The following FAM168B variants were observed in gnomAD, a reference collection of about 807,000 sequenced individuals.
FAM168B encodes the protein myelin-associated neurite-outgrowth inhibitor.
In FAM168B, 19 loss-of-function variants were observed where a neutral mutation model predicts 21.8. The observed-to-expected ratio is 0.87, with a 90% CI of 0.61 to 1.28. The LOEUF (loss-of-function observed/expected upper bound fraction) is 1.28, where lower values mean the gene tolerates loss of function less well. Ranked by LOEUF, FAM168B falls within the 50% of genes most tolerant of loss-of-function variation. FAM168B has a pLI of 0.00. For synonymous variants in FAM168B, 126 were observed against 104.8 expected (o/e 1.20, Z -1.24); for missense variants, 233 against 263.1 (o/e 0.89, Z 0.79).
rs1332367341 is a variant in FAM168B, at chr2:131,048,452, T to TC, written c.*4012dup. On this transcript the variant is annotated 3_prime_UTR_variant, in exon 7 of 7. Coordinates refer to ENST00000389915, the MANE Select transcript of FAM168B (RefSeq NM_001009993.4). ...ACGCCGCTCATCCTCTGTCTCCCCT[T>TC]CCCAAGTGACTTCACTTCAGTCCTG... 3 of 1,191,252 alleles carry TC rather than the reference T, an allele frequency of 2.5e-6. No individual in the cohort carries two copies. Among genetic ancestry groups the TC allele is most frequent in the Non-Finnish European group, 3.2e-6 (3 of 929,092 alleles). 73.8% of individuals were successfully genotyped at this position (1,191,252 alleles called of 1,614,324 possible).
intron 2 of FAM168B, among the ~76,000 whole-genome samples, chr2:131,075,168 C>T (rs1355097033): frequency 1.3e-5 from 2 of 151,952 alleles, no homozygotes; most frequent in African/African-American, 2.4e-5. Flanking sequence ...TGCTGAGAGA[C>T]TCCTCAGAAG....
At chr2:131,057,204 GAA>G (rs1692071210) in intron 3 of FAM168B, among the ~76,000 whole-genome samples, 1 of 152,120 alleles carries the variant, frequency 6.6e-6, no homozygotes, top group African/African-American at 2.4e-5. Context: ...CTAGAAAAAT[GAA>G]AACACAGGTC....
Position 131,066,017 on chromosome 2 carries a change from G to A in FAM168B, c.154+5838C>T, listed in dbSNP as rs143526700. On this transcript the variant is annotated intron_variant, in intron 3 of 6. Transcript: ENST00000389915. ...TAGAATACATTCCTAGAAGTGGGTCGAAAGGGTTCATTTTTAAGCTTCTAA... is the reference window on the plus strand; with the variant it reads ...TAGAATACATTCCTAGAAGTGGGTCAAAAGGGTTCATTTTTAAGCTTCTAA... 4.6e-5 allele frequency among the ~76,000 whole-genome samples: 7 copies of A among 152,090 alleles called. No homozygotes were observed. The East Asian group carries it at 9.7e-4, about 21-fold the overall frequency.
Position 131,050,202 on chromosome 2 carries a change from T to G in FAM168B, c.*2263A>C. On this transcript the variant is annotated 3_prime_UTR_variant, in exon 7 of 7. Coordinates refer to ENST00000389915, the MANE Select transcript of FAM168B (RefSeq NM_001009993.4). ...TACCAAGCAAGCCTGAAGAGATGCC[T>G]GTAACTTCTAACCTCCTCCTGAACC... 1 of 985,500 alleles carries G rather than the reference T, an allele frequency of 1.0e-6. No homozygotes were observed. The highest frequency in any genetic ancestry group is 1.7e-5 in the African/African-American group (1 of 57,374). 61.0% of individuals were successfully genotyped at this position (985,500 alleles called of 1,614,324 possible).
intron 5 of FAM168B, among the ~76,000 whole-genome samples, chr2:131,053,559 AAC>A (rs1691824753): frequency 6.6e-6 from 1 of 152,192 alleles, no homozygotes. Flanking sequence ...GAATATACTT[AAC>A]ACTACTGAAC....
At chr2:131,091,240 G>A (rs1694004759) in intron 1 of FAM168B, among the ~76,000 whole-genome samples, 1 of 152,164 alleles carries the variant, frequency 6.6e-6, no homozygotes, top group African/African-American at 2.4e-5. Flanking sequence ...TCCGGAGGCT[G>A]AGGCAGGAGA....
rs1473884168 is a variant in FAM168B at position 131,049,617 on chromosome 2, A to G, written c.*2848T>C. On this transcript the variant is annotated 3_prime_UTR_variant, in exon 7 of 7. Coordinates refer to ENST00000389915, the MANE Select transcript of FAM168B (RefSeq NM_001009993.4). ...CTGCAGCGGCTGAACACACTCCCCA[A>G]GCCTCAGGGGAGAAGGTGTAGAACA... is the stretch of plus-strand genomic sequence containing the variant. The G allele has an allele frequency of 3.0e-5, 30 of 985,396 alleles. No individual in the cohort carries two copies. The East Asian group carries it at 2.2e-3, about 71-fold the overall frequency. 61.0% of individuals were successfully genotyped at this position (985,396 alleles called of 1,614,324 possible). A position where few individuals can be genotyped will look rare whatever the true frequency, so the allele number is the denominator to read the frequency against.
At chr2:131,066,495 A>G (rs1055156280) in intron 3 of FAM168B, among the ~76,000 whole-genome samples, 73 of 152,342 alleles carry the variant, frequency 4.8e-4, no homozygotes, top group Non-Finnish European at 9.1e-4. Context: ...CCTTTTAAAA[A>G]TAAGTGCTAA....
chr2:131,060,814 T>C (rs999010301), intron 3 of FAM168B, among the ~76,000 whole-genome samples: 2 of 152,046 alleles, frequency 1.3e-5, no homozygotes, highest in African/African-American at 4.8e-5. Context: ...GTGGGTACTA[T>C]GGACATCCAC....
At chr2:131,061,380 T>C (rs898514701) in intron 3 of FAM168B, among the ~76,000 whole-genome samples, 4 of 151,242 alleles carry the variant, frequency 2.6e-5, no homozygotes, top group Non-Finnish European at 5.9e-5. Flanking sequence ...GCGTGTACGC[T>C]AGCCAGAAAA....
chr2:131,091,027 G>T (rs960328953), intron 1 of FAM168B, among the ~76,000 whole-genome samples: 12 of 152,130 alleles, frequency 7.9e-5, no homozygotes, highest in African/African-American at 2.7e-4. Flanking sequence ...ACCACACCTG[G>T]ACAAAAATAT....
chr2:131,062,406 T>C (rs575794875), intron 3 of FAM168B, among the ~76,000 whole-genome samples: 253 of 152,322 alleles, frequency 1.7e-3, no homozygotes, highest in African/African-American at 5.8e-3. Context: ...CAGAAATCCC[T>C]GCAGCTAGCC....
chr2:131,048,721 G>C lies in FAM168B; in HGVS notation c.*3744C>G. 1.8e-5 allele frequency: 18 copies of C among 987,678 alleles called. No individual in the cohort carries two copies. Among genetic ancestry groups the C allele is most frequent in the Non-Finnish European group, 2.2e-5 (18 of 831,194 alleles). The allele number at this position is 987,678 out of a possible 1,614,324, so 61.2% of individuals were successfully genotyped here. ...AGAGGGAACACTCACAAATGCAGAG[G>C]TACTAGAGGGGAGAAATACGTGCTC... is the stretch of plus-strand genomic sequence containing the variant. On this transcript the variant is annotated 3_prime_UTR_variant, in exon 7 of 7. Coordinates refer to ENST00000389915, the MANE Select transcript of FAM168B (RefSeq NM_001009993.4).
At chr2:131,080,545 G>A (rs966574547) in intron 2 of FAM168B, among the ~76,000 whole-genome samples, 2 of 151,452 alleles carry the variant, frequency 1.3e-5, no homozygotes, top group African/African-American at 4.8e-5. Context: ...TTGAACCCGG[G>A]AGATGGAGGT....
chr2:131,085,215 C>T (rs780235579), intron 1 of FAM168B, among the ~76,000 whole-genome samples: 3 of 152,246 alleles, frequency 2.0e-5, no homozygotes, highest in Non-Finnish European at 4.4e-5. Context: ...GTATTCCCAG[C>T]ACTGTGGGAG....
chr2:131,074,256 G>C (rs1693025320), intron 2 of FAM168B, among the ~76,000 whole-genome samples: 1 of 152,126 alleles, frequency 6.6e-6, no homozygotes, highest in African/African-American at 2.4e-5. Context: ...ATCCTCCCAA[G>C]TAGCTGGGAT....
At chr2:131,089,810 G>T (rs1324519515) in intron 1 of FAM168B, among the ~76,000 whole-genome samples, 1 of 152,030 alleles carries the variant, frequency 6.6e-6, no homozygotes, top group African/African-American at 2.4e-5. Context: ...AAGGTGGGCA[G>T]ATCACGAGGT....
At chr2:131,079,425 A>C (rs927159116) in intron 2 of FAM168B, among the ~76,000 whole-genome samples, 7 of 152,236 alleles carry the variant, frequency 4.6e-5, no homozygotes, top group Admixed American at 1.3e-4. Context: ...CAGAGAGCCA[A>C]GATCACGCCA....
intron 2 of FAM168B, among the ~76,000 whole-genome samples, chr2:131,076,614 C>G (rs1693164935): frequency 6.8e-6 from 1 of 147,666 alleles, no homozygotes; most frequent in African/African-American, 2.5e-5. Flanking sequence ...GATCGCGCCA[C>G]TGCACTCCAG....
Sources: allele counts gnomAD v4.1 joint callset (sites outside exome capture counted in the v4.1 genomes callset), GRCh38; gene constraint gnomAD v4.1.1; transcripts MANE v1.5; gene names NCBI Gene and HGNC (gene_info 2026-07-23, HGNC 2026-07-21).